The following C1orf162 variants were observed in gnomAD, a reference collection of about 807,000 sequenced individuals.
The protein encoded by C1orf162 is transmembrane protein C1orf162.
C1orf162 carries 10 observed loss-of-function variants against 11.4 expected under a neutral mutation model. The observed-to-expected ratio is 0.88, with a 90% CI of 0.54 to 1.48. The LOEUF (loss-of-function observed/expected upper bound fraction) is 1.48. Among genes scored for constraint, C1orf162 ranks in the 40% most tolerant of loss-of-function variants. The pLI, the probability that C1orf162 is intolerant of heterozygous loss-of-function variation, is 0.00. For missense variants in C1orf162, 140 were observed against 149.5 expected (o/e 0.94, Z 0.33); for synonymous variants, 53 against 55.0 (o/e 0.96, Z 0.16).
At chr1:111,477,235 C>A in intron 3 of C1orf162, 99 bp from the exon 4 acceptor site, 1 of 1,056,762 alleles carries the variant, frequency 9.5e-7, no homozygotes, top group South Asian at 1.3e-5. Flanking sequence ...GTGTGAAAAC[C>A]ATTTCAGGAG....
In C1orf162 at chr1:111,477,463, C is replaced by T. The variant is rs747299468; in HGVS notation, c.202+35C>T. On this transcript the variant is annotated intron_variant, in intron 4 of 5. Transcript: ENST00000369718. The stretch of plus-strand genomic sequence containing the variant: ...CTCCAAGGGATAGGACAGCCCTTCT[C>T]TCTCTGCCATTGATACTAGAATTAG... The T allele has an allele frequency of 3.8e-6, 6 of 1,558,670 alleles. No individual in the cohort carries two copies. In the African/African-American group the frequency reaches 5.4e-5, roughly 14 times the overall value.
Position 111,477,408 on chromosome 1 carries a change from T to C in C1orf162, c.182T>C (p.Ile61Thr). ...TLLLIAFIFL[I>T]IKSYRKYHSK... is the part of the protein sequence containing the mutation. ...CTGCTGATAGCCTTTATCTTCCTCATCATAAAGAGCTACAGAAAATGTAAG... is the reference window on the plus strand; with the variant it reads ...CTGCTGATAGCCTTTATCTTCCTCACCATAAAGAGCTACAGAAAATGTAAG... Residue 61 changes from isoleucine to threonine, a missense_variant, in exon 4 of 6, where the codon ATC (isoleucine) becomes ACC (threonine). Coordinates refer to ENST00000369718, the MANE Select transcript of C1orf162 (RefSeq NM_001300834.2). 1.2e-6 allele frequency: 2 copies of C among 1,613,358 alleles called. No homozygotes were observed. Among genetic ancestry groups the C allele is most frequent in the Non-Finnish European group, 8.5e-7 (1 of 1,179,330 alleles).
In C1orf162 at chr1:111,477,428, T is replaced by C. The variant is rs752528034; in HGVS notation, c.202T>C (p.Tyr68His). Residue 68 changes from tyrosine to histidine, a missense_variant and splice_region_variant, in exon 4 of 6, where the codon TAT (tyrosine) becomes CAT (histidine). By Grantham distance (83) the Tyr-to-His change is moderately conservative. Transcript: ENST00000369718. ...IFLIIKSYRK[Y>H]HSKPQAPDPH... The stretch of plus-strand genomic sequence containing the variant: ...CCTCATCATAAAGAGCTACAGAAAA[T>C]GTAAGTGGTCTCCAAGGGATAGGAC... 6.2e-7 allele frequency: 1 copy of C among 1,610,980 alleles called. No homozygotes were observed. The highest frequency in any genetic ancestry group is 2.2e-5 in the East Asian group (1 of 44,866).
At chr1:111,474,199 C>G (rs1332487897) in intron 1 of C1orf162, among the ~76,000 whole-genome samples, 169 bp downstream of exon 1, 1 of 152,146 alleles carries the variant, frequency 6.6e-6, no homozygotes, top group African/African-American at 2.4e-5. Flanking sequence ...GTAAGATTCT[C>G]CAGTGCTGGA....
chr1:111,477,181 C>A, intron 3 of C1orf162, 153 bp from the exon 4 acceptor site: 1 of 729,200 alleles, frequency 1.4e-6, no homozygotes. Context: ...ATGTGAAACT[C>A]AAAAGCAAAA....
chr1:111,475,913 C>T (rs1653971876), intron 1 of C1orf162, 105 bp from the exon 2 acceptor site: 7 of 808,104 alleles, frequency 8.7e-6, no homozygotes, highest in Admixed American at 2.0e-5. Context: ...CCACAAATTG[C>T]CTCTCATTGT....
At chr1:111,476,648 A>G (rs550785078) in intron 2 of C1orf162, 150 bp from the exon 3 acceptor site, 32 of 733,270 alleles carry the variant, frequency 4.4e-5, no homozygotes, top group South Asian at 2.7e-4. Context: ...GAATCTAAAA[A>G]ACAATGTTCT....
intron 4 of C1orf162, 42 bp from the exon 5 acceptor site, chr1:111,477,684 C>A (rs1400520508): frequency 6.2e-7 from 1 of 1,613,738 alleles, no homozygotes; most frequent in African/African-American, 1.3e-5. Context: ...TCCCCAGGCC[C>A]ATTGCTGAGA....
In C1orf162 at chr1:111,478,268, T is replaced by A; in HGVS notation, c.*145T>A. 1 of 935,686 alleles carries A rather than the reference T, an allele frequency of 1.1e-6. No individual in the cohort carries two copies. The highest frequency in any genetic ancestry group is 1.6e-6 in the Non-Finnish European group (1 of 616,118). The allele number at this position is 935,686 out of a possible 1,614,324, so 58.0% of individuals were successfully genotyped here. A position where few individuals can be genotyped will look rare whatever the true frequency, so the allele number is the denominator to read the frequency against. On this transcript the variant is annotated 3_prime_UTR_variant, in exon 6 of 6. Coordinates refer to ENST00000369718, the MANE Select transcript of C1orf162 (RefSeq NM_001300834.2). Reference sequence around the variant, plus strand: ...GTTTAGATGTGATCTGGCAATGCTATCCAGCATCTTTGGAGACCAATGGTC... The same window carrying A: ...GTTTAGATGTGATCTGGCAATGCTAACCAGCATCTTTGGAGACCAATGGTC...
chr1:111,475,651 A>T (rs1653963254), intron 1 of C1orf162: 1 of 189,856 alleles, frequency 5.3e-6, no homozygotes, highest in South Asian at 1.4e-4. Context: ...TGGCATTCTT[A>T]TATGTTCCCC....
chr1:111,477,284 G>A (rs1557809058), intron 3 of C1orf162, 50 bp from the exon 4 acceptor site: 1 of 1,476,382 alleles, frequency 6.8e-7, no homozygotes. Flanking sequence ...CTTTAGGAAA[G>A]GCCTTCAAAA....
In C1orf162 at chr1:111,476,076, G is replaced by A. The variant is rs777475444; in HGVS notation, c.37+11G>A. 25 of 1,610,956 alleles carry A rather than the reference G, an allele frequency of 1.6e-5. No individual in the cohort carries two copies. Among genetic ancestry groups the A allele is most frequent in the East Asian group, 4.5e-5 (2 of 44,850 alleles). On this transcript the variant is annotated intron_variant, in intron 2 of 5. Coordinates refer to ENST00000369718, the MANE Select transcript of C1orf162 (RefSeq NM_001300834.2). ...GTAAACCCGACACTGGTGAGTTTAC[G>A]ACAGGAATAATTACCTGCCTCACGT...
In C1orf162 at chr1:111,475,957, C is replaced by G; in HGVS notation, c.-11-61C>G. ...TTATATGACAATCACAGTCTCAGAGCTGGCCCTTAAGCCGGCTCTCCCTTC... is the reference window on the plus strand; with the variant it reads ...TTATATGACAATCACAGTCTCAGAGGTGGCCCTTAAGCCGGCTCTCCCTTC... On this transcript the variant is annotated intron_variant, in intron 1 of 5. Coordinates refer to ENST00000369718, the MANE Select transcript of C1orf162 (RefSeq NM_001300834.2). The G allele has an allele frequency of 1.4e-5, 19 of 1,343,528 alleles. No homozygotes were observed. In the South Asian group the frequency reaches 2.1e-4, roughly 15 times the overall value. 83.2% of individuals were successfully genotyped at this position (1,343,528 alleles called of 1,614,324 possible). A position where few individuals can be genotyped will look rare whatever the true frequency, so the allele number is the denominator to read the frequency against.
chr1:111,478,252 T>C lies in C1orf162; in HGVS notation c.*129T>C, dbSNP rs1481099567. The C allele has an allele frequency of 9.0e-7, 1 of 1,105,982 alleles. No individual in the cohort carries two copies. Among genetic ancestry groups the C allele is most frequent in the African/African-American group, 1.5e-5 (1 of 64,780 alleles). The allele number at this position is 1,105,982 out of a possible 1,614,324, so 68.5% of individuals were successfully genotyped here. On this transcript the variant is annotated 3_prime_UTR_variant, in exon 6 of 6. Transcript: ENST00000369718. ...AACTGCAGTCGGAGTTGTTTAGATG[T>C]GATCTGGCAATGCTATCCAGCATCT...
Position 111,477,457 on chromosome 1 carries a change from C to A in C1orf162, c.202+29C>A, listed in dbSNP as rs772154023. ...AGTGGTCTCCAAGGGATAGGACAGC[C>A]CTTCTCTCTCTGCCATTGATACTAG... On this transcript the variant is annotated intron_variant, in intron 4 of 5. Coordinates refer to ENST00000369718, the MANE Select transcript of C1orf162 (RefSeq NM_001300834.2). 1.7e-5 allele frequency: 26 copies of A among 1,574,490 alleles called. No individual in the cohort carries two copies. The South Asian group carries it at 2.9e-4, about 17-fold the overall frequency.
intron 1 of C1orf162, among the ~76,000 whole-genome samples, chr1:111,474,353 G>A (rs1191896001): frequency 6.6e-6 from 1 of 152,154 alleles, no homozygotes; most frequent in Non-Finnish European, 1.5e-5. Flanking sequence ...GGTATTGTAC[G>A]ATGATTTTGT....
chr1:111,476,943 G>A, intron 3 of C1orf162, 76 bp downstream of exon 3: 1 of 1,508,798 alleles, frequency 6.6e-7, no homozygotes, highest in Non-Finnish European at 9.2e-7. Context: ...CTCGGCTTGG[G>A]GATTTGGGCA....
chr1:111,476,689 T>C (rs938517150), intron 2 of C1orf162, 109 bp from the exon 3 acceptor site: 2 of 1,035,958 alleles, frequency 1.9e-6, no homozygotes, highest in African/African-American at 1.6e-5. Context: ...AGCCCCATCC[T>C]TAATTTCCAC....
chr1:111,475,172 C>T (rs1653950993), intron 1 of C1orf162: 2 of 125,546 alleles, frequency 1.6e-5, no homozygotes, highest in South Asian at 5.1e-4. Flanking sequence ...GACCTATCAC[C>T]ACTAAAAAAT....
Sources: gnomAD v4.1 joint callset for allele counts (sites outside exome capture counted in the v4.1 genomes callset) on GRCh38, gnomAD v4.1.1 for gene constraint, MANE v1.5 for transcripts, NCBI Gene and HGNC (gene_info 2026-07-23, HGNC 2026-07-21) for gene names.